The following NFKB1 variants were observed in gnomAD, a reference collection of about 807,000 sequenced individuals.
NFKB1 encodes nuclear factor kappa B subunit 1.
NFKB1 carries 9 observed loss-of-function variants against 105.1 expected under a neutral mutation model. The observed-to-expected ratio is 0.09, with a 90% CI of 0.05 to 0.15. The LOEUF (loss-of-function observed/expected upper bound fraction) is 0.15. Ranked by LOEUF, NFKB1 falls within the 10% of genes least tolerant of loss-of-function variation. The pLI is 1.00. For synonymous variants in NFKB1, 440 were observed against 442.2 expected (o/e 1.00, Z 0.06); for missense variants, 830 against 1,203.7 (o/e 0.69, Z 4.59).
chr4:102,537,643 A>G (rs1282193449), intron 4 of NFKB1: 5 of 388,130 alleles, frequency 1.3e-5, no homozygotes, highest in African/African-American at 8.3e-5. Context: ...CTGGCTTTTT[A>G]GCCATATCTT....
chr4:102,533,625 T>C (rs768351175), intron 3 of NFKB1, among the ~76,000 whole-genome samples: 5 of 152,232 alleles, frequency 3.3e-5, no homozygotes, highest in Non-Finnish European at 5.9e-5. Flanking sequence ...ATTTACTTAT[T>C]GTGGTTCGCT....
At position 102,613,421 on chromosome 4, in the gene NFKB1, A is replaced by G. The variant is rs150902390; in HGVS notation, c.2593-4A>G. The G allele has an allele frequency of 1.2e-3, 1,964 of 1,612,916 alleles. 10 individuals carry two copies. In the African/African-American group the frequency reaches 0.017, roughly 14 times the overall value. On this transcript the variant is annotated splice_polypyrimidine_tract_variant and splice_region_variant and intron_variant, in intron 22 of 23. Transcript: ENST00000226574. ...CATGCTCCTCCTTCCTTTCTTTCTC[A>G]CAGGTCTCTGGGGGTACAGTCAGAG...
At chr4:102,529,750 A>G in intron 2 of NFKB1, 86 bp from the exon 3 acceptor site, 1 of 936,268 alleles carries the variant, frequency 1.1e-6, no homozygotes, top group South Asian at 1.5e-5. Context: ...CATTCCTATT[A>G]TTACATTTTA....
chr4:102,615,887 C>A (rs945230415), intron 23 of NFKB1, among the ~76,000 whole-genome samples: 1 of 152,220 alleles, frequency 6.6e-6, no homozygotes, highest in African/African-American at 2.4e-5. Flanking sequence ...CCTAAGGACA[C>A]TTATAAACAA....
At position 102,606,610 on chromosome 4, in the gene NFKB1, G is replaced by A; in HGVS notation, c.1867G>A (p.Ala623Thr). Reference sequence around the variant, plus strand: ...CTTGGGTAACTCTGTTTTGCACCTAGCTGCCAAAGAAGGACATGATAAAGT... The same window carrying A: ...CTTGGGTAACTCTGTTTTGCACCTAACTGCCAAAGAAGGACATGATAAAGT... ...DRLGNSVLHL[A>T]AKEGHDKVLS... The change falls in exon 17 of 24, where the codon GCT (alanine) becomes ACT (threonine). Residue 623 changes from alanine to threonine, a missense_variant. By Grantham distance (58) the Ala-to-Thr change is moderately conservative. Around this residue, in one of 8 missense-constraint regions of NFKB1, gnomAD observed 418 missense variants for 575.3 expected, o/e 0.73. Transcript: ENST00000226574. 1 of 1,614,158 alleles carries A rather than the reference G, an allele frequency of 6.2e-7. No individual in the cohort carries two copies. Among genetic ancestry groups the A allele is most frequent in the Non-Finnish European group, 8.5e-7 (1 of 1,180,040 alleles).
chr4:102,593,272 C>T (rs1429912646), intron 11 of NFKB1, 153 bp from the exon 12 acceptor site: 8 of 743,888 alleles, frequency 1.1e-5, no homozygotes, highest in African/African-American at 7.1e-5. Flanking sequence ...ATAAATATAA[C>T]GCTTCTTGAA....
chr4:102,538,233 C>T (rs66976879), intron 5 of NFKB1, among the ~76,000 whole-genome samples: 2,698 of 152,204 alleles, frequency 0.018, 39 homozygotes, highest in African/African-American at 0.045. Flanking sequence ...AAATTGGATA[C>T]TTCCTGAAAC....
At chr4:102,540,949 A>G (rs995413121) in intron 5 of NFKB1, among the ~76,000 whole-genome samples, 1 of 152,188 alleles carries the variant, frequency 6.6e-6, no homozygotes, top group Non-Finnish European at 1.5e-5. Context: ...GACCTTTAAA[A>G]TTGTGCATGT....
In NFKB1 at chr4:102,597,672, A is replaced by C. The variant is rs1436059593; in HGVS notation, c.1637+11A>C. On this transcript the variant is annotated intron_variant, in intron 15 of 23. Coordinates refer to ENST00000226574, the MANE Select transcript of NFKB1 (RefSeq NM_003998.4). ...TGAGAATGGGGACAGGTAAGTCAGA[A>C]CTTTTGCATGATAGGTTGTCCTGGG... The C allele has an allele frequency of 6.2e-7, 1 of 1,606,404 alleles. No individual in the cohort carries two copies.
At position 102,561,478 on chromosome 4, in the gene NFKB1, G is replaced by A. The variant is rs191883106; in HGVS notation, c.259-5509G>A. On this transcript the variant is annotated intron_variant, in intron 5 of 23. Transcript: ENST00000226574. ...CAAAGCCAAACAAACAAGGTGTTTA[G>A]GAATAACTGTCATCTATCAACACTC... 2.5e-3 allele frequency among the ~76,000 whole-genome samples: 386 copies of A among 152,172 alleles called. 2 individuals are homozygous for A. Among genetic ancestry groups the A allele is most frequent in the Non-Finnish European group, 4.8e-3 (326 of 68,002 alleles).
intron 6 of NFKB1, among the ~76,000 whole-genome samples, chr4:102,574,714 T>C (rs1023764884): frequency 3.9e-5 from 6 of 152,198 alleles, no homozygotes; most frequent in African/African-American, 1.4e-4. Context: ...TGTTTTCTAG[T>C]GTCTAAAAAC....
chr4:102,533,946 A>G, intron 4 of NFKB1, 61 bp downstream of exon 4: 1 of 1,396,854 alleles, frequency 7.2e-7, no homozygotes, highest in Admixed American at 1.9e-5. Context: ...TGAGATCATA[A>G]GCACTGAAGA....
At chr4:102,515,193 C>T (rs958624013) in intron 1 of NFKB1, among the ~76,000 whole-genome samples, 1 of 140,566 alleles carries the variant, frequency 7.1e-6, no homozygotes, top group African/African-American at 2.6e-5. Context: ...TCACTGCAAG[C>T]TCCGCCTCCC....
chr4:102,513,939 C>T (rs1000158424), intron 1 of NFKB1, among the ~76,000 whole-genome samples: 3 of 151,858 alleles, frequency 2.0e-5, no homozygotes, highest in East Asian at 1.9e-4. Context: ...TTTGGGAGTC[C>T]GAGGCAGGCA....
chr4:102,528,907 G>A (rs1475622094), intron 2 of NFKB1, among the ~76,000 whole-genome samples: 2 of 152,058 alleles, frequency 1.3e-5, no homozygotes, highest in Non-Finnish European at 2.9e-5. Flanking sequence ...GGTGTTGGCA[G>A]GGCTGCTTTC....
At chr4:102,567,156 C>T in intron 6 of NFKB1, 21 bp downstream of exon 6, 1 of 1,610,154 alleles carries the variant, frequency 6.2e-7, no homozygotes, top group South Asian at 1.1e-5. Flanking sequence ...GTATATGATG[C>T]TGTGGAAGGT....
intron 11 of NFKB1, among the ~76,000 whole-genome samples, chr4:102,585,030 C>T (rs1203680940): frequency 3.3e-5 from 5 of 151,840 alleles, no homozygotes; most frequent in South Asian, 2.1e-4. Context: ...TACAGGTGTG[C>T]GCCACCATGC....
chr4:102,552,347 A>C (rs1464442897), intron 5 of NFKB1, among the ~76,000 whole-genome samples: 2 of 152,130 alleles, frequency 1.3e-5, no homozygotes, highest in African/African-American at 4.8e-5. Flanking sequence ...CAAGAGGATG[A>C]AATAAGGAGC....
chr4:102,596,423 T>C lies in NFKB1; in HGVS notation c.1495+91T>C, dbSNP rs1157933281. The C allele has an allele frequency of 6.9e-6, 7 of 1,011,618 alleles. No individual in the cohort carries two copies. The East Asian group carries it at 1.6e-4, about 23-fold the overall frequency. The allele number at this position is 1,011,618 out of a possible 1,614,324, so 62.7% of individuals were successfully genotyped here. ...GATATCTGCTAATCTAAAGATGATATATCAATATCTAGTTTAGTGTACTCT... is the reference window on the plus strand; with the variant it reads ...GATATCTGCTAATCTAAAGATGATACATCAATATCTAGTTTAGTGTACTCT... On this transcript the variant is annotated intron_variant, in intron 14 of 23. Coordinates refer to ENST00000226574, the MANE Select transcript of NFKB1 (RefSeq NM_003998.4).
Sources: allele counts gnomAD v4.1 joint callset (sites outside exome capture counted in the v4.1 genomes callset), GRCh38; gene constraint gnomAD v4.1.1; regional missense constraint gnomAD v4.1.1; transcripts MANE v1.5; gene names NCBI Gene and HGNC (gene_info 2026-07-23, HGNC 2026-07-21).